Variants in KCTD19 observed in about 807,000 individuals in gnomAD.
KCTD19 encodes BTB/POZ domain-containing protein KCTD19.
In KCTD19, 67 loss-of-function variants were observed where a neutral mutation model predicts 103.5. The ratio of observed to expected loss-of-function variants is 0.65; its 90% confidence interval spans 0.53 to 0.79. The LOEUF is 0.79. KCTD19 is among the 30% of genes least tolerant of loss of function. The pLI is 0.00. For synonymous variants in KCTD19, 439 were observed against 452.2 expected (o/e 0.97, Z 0.37); for missense variants, 980 against 1,136.1 (o/e 0.86, Z 1.98).
chr16:67,301,901 T>G lies in KCTD19; in HGVS notation c.665A>C (p.Lys222Thr). 6.2e-7 allele frequency: 1 copy of G among 1,613,912 alleles called. No individual in the cohort carries two copies. Among genetic ancestry groups the G allele is most frequent in the Non-Finnish European group, 8.5e-7 (1 of 1,179,818 alleles). Residue 222 changes from lysine to threonine, a missense_variant, in exon 5 of 16, where the codon AAG (lysine) becomes ACG (threonine). Physicochemically the swap from Lys to Thr is moderately conservative, Grantham distance 78 (BLOSUM62 -1). Coordinates refer to ENST00000304372, the MANE Select transcript of KCTD19 (RefSeq NM_001100915.3). Reference sequence around the variant, plus strand: ...GGAGAAATTATCCGGTAGTAAAATCTTCTGTGAGCGAAGAAAATTCACTTG... The same window carrying G: ...GGAGAAATTATCCGGTAGTAAAATCGTCTGTGAGCGAAGAAAATTCACTTG... ...RFIVNFLRSQ[K>T]ILLPDNFSNI...
Position 67,293,825 on chromosome 16 carries a change from T to C in KCTD19, c.1937A>G (p.Asn646Ser). 6.2e-7 allele frequency: 1 copy of C among 1,613,852 alleles called. No individual in the cohort carries two copies. Among genetic ancestry groups the C allele is most frequent in the Non-Finnish European group, 8.5e-7 (1 of 1,180,024 alleles). ...TGGCTGGAATTCCCACTGTTTGCAATTGACCATGTCCCATTCTCTCACCAG... is the reference window on the plus strand; with the variant it reads ...TGGCTGGAATTCCCACTGTTTGCAACTGACCATGTCCCATTCTCTCACCAG... ...ISLVREWDMV[N>S]CKQWEFQPLT... is the part of the protein sequence containing the mutation. Residue 646 changes from asparagine (N) to serine (S), a missense_variant, in exon 12 of 16, where the codon AAT becomes AGT. Transcript: ENST00000304372. The surrounding 1 kb of genome is among the most constrained non-coding windows in gnomAD (Gnocchi z 4.0).
At chr16:67,306,091 T>G (rs939553468) in intron 2 of KCTD19, among the ~76,000 whole-genome samples, 1 of 152,220 alleles carries the variant, frequency 6.6e-6, no homozygotes, top group Non-Finnish European at 1.5e-5. Context: ...GTCATTCATT[T>G]GAGAAATACT....
Position 67,295,312 on chromosome 16 carries a change from T to C in KCTD19, c.1342A>G (p.Ile448Val), listed in dbSNP as rs1235690255. Residue 448 changes from isoleucine to valine, a missense_variant, in exon 9 of 16, where the codon ATT becomes GTT. Coordinates refer to ENST00000304372, the MANE Select transcript of KCTD19 (RefSeq NM_001100915.3). Reference sequence around the variant, plus strand: ...TTGCCAAGTCTCAGGAAGTTGAGAATGTGTCGGAACATCTGGCCATCCCCG... The same window carrying C: ...TTGCCAAGTCTCAGGAAGTTGAGAACGTGTCGGAACATCTGGCCATCCCCG... Reference protein sequence around the residue: ...IHGDGQMFRHILNFLRLGKLF... With the variant: ...IHGDGQMFRHVLNFLRLGKLF... 1 of 1,614,250 alleles carries C rather than the reference T, an allele frequency of 6.2e-7. No homozygotes were observed. Among genetic ancestry groups the C allele is most frequent in the East Asian group, 2.2e-5 (1 of 44,886 alleles).
rs1056637672 is a variant in KCTD19 at position 67,300,698 on chromosome 16, T to G, written c.775+1093A>C. 5 of 152,490 alleles carry G rather than the reference T, an allele frequency of 3.3e-5. No homozygotes were observed. The highest frequency in any genetic ancestry group is 1.2e-4 in the African/African-American group (5 of 41,448). 9.4% of individuals were successfully genotyped at this position (152,490 alleles called of 1,614,324 possible). ...TCTCACTCTGTTGCCCAGGCTTGAG[T>G]GCAGTGGCATGATCTCGGCTCACTG... On this transcript the variant is annotated intron_variant, in intron 5 of 15. Transcript: ENST00000304372. This position sits in a 1 kb window ranked among gnomAD's most constrained non-coding sequence, Gnocchi z 4.5.
At chr16:67,304,385 G>A (rs746328744) in intron 3 of KCTD19, 36 bp downstream of exon 3, 1 of 1,608,010 alleles carries the variant, frequency 6.2e-7, no homozygotes, top group Admixed American at 1.7e-5. Flanking sequence ...GAAAGTTGGT[G>A]TGGGCTTTAG....
intron 15 of KCTD19, among the ~76,000 whole-genome samples, chr16:67,290,167 C>CTTTTTTTTTTTTT (rs11296444): frequency 2.9e-5 from 2 of 69,282 alleles, no homozygotes; most frequent in African/African-American, 5.8e-5. Flanking sequence ...TGAATATTTT[C>CTTTTTTTTTTTTT]TTTTTTTTTT....
At chr16:67,296,420 C>G (rs2036765927) in intron 7 of KCTD19, among the ~76,000 whole-genome samples, 161 bp from the exon 8 acceptor site, 1 of 152,138 alleles carries the variant, frequency 6.6e-6, no homozygotes, top group Non-Finnish European at 1.5e-5. Context: ...TGACATAAAC[C>G]TTGCTTGCTG....
At chr16:67,297,808 T>TTTAGA in intron 6 of KCTD19, 145 bp from the exon 7 acceptor site, 1 of 738,824 alleles carries the variant, frequency 1.4e-6, no homozygotes, top group Non-Finnish European at 2.1e-6. Context: ...GTATTTTTTT[T>TTTAGA]TTAGATGGAG....
chr16:67,326,252 A>G (rs548596999), intron 1 of KCTD19, among the ~76,000 whole-genome samples: 13 of 152,114 alleles, frequency 8.5e-5, no homozygotes, highest in African/African-American at 2.4e-4. Flanking sequence ...TAGAGCTAGA[A>G]CTTCCTCATG....
chr16:67,289,760 A>G, intron 15 of KCTD19, 78 bp from the exon 16 acceptor site: 2 of 1,098,582 alleles, frequency 1.8e-6, no homozygotes, highest in Non-Finnish European at 2.8e-6. Flanking sequence ...GGGTTCTCCC[A>G]TTGGGGCAGG....
Position 67,320,853 on chromosome 16 carries a change from C to A in KCTD19, c.36G>T (p.Glu12Asp). ...CCCCTACGTTGAAATGAAACAAGTC[C>A]TCTGCTGATTCATGAGCCATGCCAG... ...EESGMAHESAEDLFHFNVGGW... is the reference protein window; with the variant it reads ...EESGMAHESADDLFHFNVGGW... Residue 12 changes from glutamate (E) to aspartate (D), a missense_variant, in exon 2 of 16, where the codon GAG (glutamate) becomes GAT (aspartate). Transcript: ENST00000304372. This position sits in a 1 kb window ranked among gnomAD's most constrained non-coding sequence, Gnocchi z 4.0. 6.2e-7 allele frequency: 1 copy of A among 1,614,088 alleles called. No homozygotes were observed. The highest frequency in any genetic ancestry group is 1.1e-5 in the South Asian group (1 of 91,076).
chr16:67,304,043 C>T lies in KCTD19; in HGVS notation c.451+378G>A, dbSNP rs563744786. 1.0e-3 allele frequency among the ~76,000 whole-genome samples: 154 copies of T among 152,284 alleles called. 3 individuals are homozygous for T. Among genetic ancestry groups the T allele is most frequent in the African/African-American group, 3.1e-3 (130 of 41,552 alleles). On this transcript the variant is annotated intron_variant, in intron 3 of 15. Coordinates refer to ENST00000304372, the MANE Select transcript of KCTD19 (RefSeq NM_001100915.3). ...CATCAATAATCATAAATGCTTTGTACTCATGTCTCAGATAGGCTGAACTAT... is the reference window on the plus strand; with the variant it reads ...CATCAATAATCATAAATGCTTTGTATTCATGTCTCAGATAGGCTGAACTAT...
chr16:67,298,195 A>C (rs1393858393), intron 6 of KCTD19, among the ~76,000 whole-genome samples: 2 of 151,936 alleles, frequency 1.3e-5, no homozygotes, highest in Admixed American at 6.6e-5. Context: ...GGGTTTCACC[A>C]TGTAGGCCAG....
At chr16:67,292,273 A>G (rs1413748730) in intron 12 of KCTD19, among the ~76,000 whole-genome samples, 2 of 152,166 alleles carry the variant, frequency 1.3e-5, no homozygotes. Context: ...GGCCAGTACA[A>G]TCAAGTCACC....
intron 2 of KCTD19, among the ~76,000 whole-genome samples, chr16:67,305,984 A>G (rs2142511889): frequency 6.6e-6 from 1 of 152,296 alleles, no homozygotes; most frequent in South Asian, 2.1e-4. Flanking sequence ...GAGGGTTTGC[A>G]AAAGCACTGG....
At chr16:67,321,010 G>C in intron 1 of KCTD19, 125 bp from the exon 2 acceptor site, 4 of 873,682 alleles carry the variant, frequency 4.6e-6, no homozygotes. Flanking sequence ...AAAATCCTAA[G>C]GAATTCACCA....
rs1178223518 is a variant in KCTD19 at position 67,320,828 on chromosome 16, C to A, written c.61G>T (p.Gly21Cys). 6.2e-7 allele frequency: 1 copy of A among 1,614,084 alleles called. No individual in the cohort carries two copies. The highest frequency in any genetic ancestry group is 8.5e-7 in the Non-Finnish European group (1 of 1,179,988). ...CTTCTGGGAACTGAGAAATGCCAGC[C>A]CCCTACGTTGAAATGAAACAAGTCC... ...AEDLFHFNVG[G>C]WHFSVPRSKL... Residue 21 changes from glycine to cysteine, a missense_variant, in exon 2 of 16, where the codon GGC becomes TGC. Gly to Cys is a radical substitution (Grantham distance 159). Transcript: ENST00000304372. The surrounding 1 kb of genome is among the most constrained non-coding windows in gnomAD (Gnocchi z 4.0).
At chr16:67,291,881 A>G (rs181038940) in intron 12 of KCTD19, 44 bp from the exon 13 acceptor site, 4 of 1,406,176 alleles carry the variant, frequency 2.8e-6, no homozygotes, top group Non-Finnish European at 2.9e-6. Context: ...TTAAAAAAAA[A>G]TTTTTTTTCA....
At position 67,303,482 on chromosome 16, in the gene KCTD19, CCTT is replaced by C. The variant is rs2036860310; in HGVS notation, c.452-148_452-146del. 1.7e-6 allele frequency: 1 copy of C among 598,422 alleles called. No homozygotes were observed. Among genetic ancestry groups the C allele is most frequent in the Non-Finnish European group, 2.9e-6 (1 of 344,460 alleles). 37.1% of individuals were successfully genotyped at this position (598,422 alleles called of 1,614,324 possible). ...CCTTGCCACTTGCCAGACACATCTT[CCTT>C]CTTTATCTTTTCAGTTGTAGCCCTA... On this transcript the variant is annotated intron_variant, in intron 3 of 15. Coordinates refer to ENST00000304372, the MANE Select transcript of KCTD19 (RefSeq NM_001100915.3). The surrounding 1 kb of genome is among the most constrained non-coding windows in gnomAD (Gnocchi z 4.3).
Sources: allele counts gnomAD v4.1 joint callset (sites outside exome capture counted in the v4.1 genomes callset), GRCh38; gene constraint gnomAD v4.1.1; non-coding constraint Gnocchi (gnomAD v3.1); transcripts MANE v1.5; gene names NCBI Gene and HGNC (gene_info 2026-07-23, HGNC 2026-07-21).